PTPRD: variants seen among roughly 807,000 people sequenced by gnomAD.
PTPRD encodes the protein protein tyrosine phosphatase receptor type D, also known as receptor-type tyrosine-protein phosphatase delta.
A neutral mutation model predicts 214.5 loss-of-function variants in PTPRD; 34 were observed. That is an observed-to-expected ratio of 0.16 (90% confidence interval 0.12 to 0.21). The LOEUF (loss-of-function observed/expected upper bound fraction) is 0.21, where lower values mean the gene tolerates loss of function less well. Ranked by LOEUF, PTPRD falls within the 10% of genes least tolerant of loss-of-function variation. PTPRD has a pLI of 1.00. For missense variants in PTPRD, 2,545 were observed against 2,398.7 expected (o/e 1.06, Z -1.27); for synonymous variants, 1,128 against 845.7 (o/e 1.33, Z -5.79).
chr9:10,329,554 T>C (rs1316395034), intron 3 of PTPRD, among the ~76,000 whole-genome samples: 1 of 151,854 alleles, frequency 6.6e-6, no homozygotes, highest in African/African-American at 2.4e-5. Context: ...CTCTCTTGGC[T>C]TTTGATTAGA....
At chr9:9,128,612 A>T (rs1016734349) in intron 10 of PTPRD, among the ~76,000 whole-genome samples, 2 of 152,228 alleles carry the variant, frequency 1.3e-5, no homozygotes. Context: ...TTGCTTTAAA[A>T]ATATATCAGC....
chr9:9,313,995 G>A (rs965093807), intron 9 of PTPRD, among the ~76,000 whole-genome samples: 6 of 152,022 alleles, frequency 3.9e-5, no homozygotes, highest in Non-Finnish European at 7.4e-5. Context: ...CTGTCATTTA[G>A]CTAGTTAAAT....
intron 9 of PTPRD, among the ~76,000 whole-genome samples, chr9:9,306,902 C>G (rs1026317574): frequency 6.6e-6 from 1 of 152,120 alleles, no homozygotes; most frequent in Non-Finnish European, 1.5e-5. Flanking sequence ...TTGAATATCT[C>G]AAAAGCAGAG....
At chr9:9,387,162 C>T (rs1277667528) in intron 9 of PTPRD, among the ~76,000 whole-genome samples, 1 of 152,176 alleles carries the variant, frequency 6.6e-6, no homozygotes, top group Admixed American at 6.6e-5. Context: ...CACAGTACTT[C>T]AGCTAGGGCA....
At chr9:10,110,951 T>C (rs2098686233) in intron 3 of PTPRD, among the ~76,000 whole-genome samples, 1 of 152,210 alleles carries the variant, frequency 6.6e-6, no homozygotes, top group Admixed American at 6.5e-5. Context: ...ATTTATTTTG[T>C]ATTTGATGTA....
intron 43 of PTPRD, among the ~76,000 whole-genome samples, chr9:8,334,135 A>G (rs999357372): frequency 6.6e-6 from 1 of 151,988 alleles, no homozygotes; most frequent in African/African-American, 2.4e-5. Context: ...ATGACACAGA[A>G]TATTAGCAAG....
At chr9:8,321,350 TCA>T (rs1827256398) in intron 44 of PTPRD, among the ~76,000 whole-genome samples, 1 of 151,376 alleles carries the variant, frequency 6.6e-6, no homozygotes, top group South Asian at 2.1e-4. Context: ...GACATTGGAC[TCA>T]CAACTTTTCA....
intron 5 of PTPRD, among the ~76,000 whole-genome samples, chr9:9,932,175 C>T (rs1346548639): frequency 6.7e-6 from 1 of 150,258 alleles, no homozygotes; most frequent in African/African-American, 2.5e-5. Context: ...AGTGCCTCTC[C>T]TCCTCCAAAG....
intron 3 of PTPRD, among the ~76,000 whole-genome samples, chr9:10,108,440 T>C (rs1372177405): frequency 2.0e-5 from 3 of 151,976 alleles, no homozygotes; most frequent in Non-Finnish European, 4.4e-5. Flanking sequence ...ACTGAAATTT[T>C]GTATTTTTTT....
intron 13 of PTPRD, among the ~76,000 whole-genome samples, chr9:8,635,936 T>G (rs1381361559): frequency 6.6e-6 from 1 of 152,100 alleles, no homozygotes; most frequent in African/African-American, 2.4e-5. Context: ...AAAAAAAGAA[T>G]CTTTGATTTA....
At chr9:8,778,888 T>C (rs1330103274) in intron 11 of PTPRD, among the ~76,000 whole-genome samples, 3 of 152,180 alleles carry the variant, frequency 2.0e-5, no homozygotes, top group African/African-American at 7.2e-5. Context: ...TTTACCACAC[T>C]GCTCAACACA....
intron 3 of PTPRD, among the ~76,000 whole-genome samples, chr9:10,257,600 G>A (rs898019306): frequency 6.6e-6 from 1 of 152,136 alleles, no homozygotes; most frequent in African/African-American, 2.4e-5. Flanking sequence ...GATTTATATG[G>A]TGCCATATAC....
rs1437971374 is a variant in PTPRD, at chr9:9,548,534, G to A, written c.-237+26198C>T. On this transcript the variant is annotated intron_variant, in intron 8 of 45. Transcript: ENST00000381196. Reference sequence around the variant, plus strand: ...GTGATTCTCCTGCTTCAGCCTCCTGGGCTACAGGCGTCTGCCACCATGCCT... The same window carrying A: ...GTGATTCTCCTGCTTCAGCCTCCTGAGCTACAGGCGTCTGCCACCATGCCT... Among the ~76,000 whole-genome samples, 3 of 150,872 alleles carry A rather than the reference G, an allele frequency of 2.0e-5. No homozygotes were observed. In the East Asian group the frequency reaches 5.9e-4, roughly 30 times the overall value.
chr9:9,544,545 TC>T (rs1461171533), intron 8 of PTPRD, among the ~76,000 whole-genome samples: 1 of 151,688 alleles, frequency 6.6e-6, no homozygotes, highest in Non-Finnish European at 1.5e-5. Context: ...AGAACATCTC[TC>T]GACTGTGTCT....
intron 9 of PTPRD, among the ~76,000 whole-genome samples, chr9:9,392,840 A>C (rs946454610): frequency 6.6e-6 from 1 of 152,092 alleles, no homozygotes; most frequent in African/African-American, 2.4e-5. Flanking sequence ...CAGGGAGGGA[A>C]TATATAGTAA....
At chr9:9,143,150 C>T (rs1291390653) in intron 10 of PTPRD, among the ~76,000 whole-genome samples, 1 of 152,198 alleles carries the variant, frequency 6.6e-6, no homozygotes, top group African/African-American at 2.4e-5. Context: ...AAATTCTCCC[C>T]AAATTCCTCA....
intron 11 of PTPRD, among the ~76,000 whole-genome samples, chr9:8,791,907 A>G (rs1265446531): frequency 6.6e-6 from 1 of 152,140 alleles, no homozygotes; most frequent in Non-Finnish European, 1.5e-5. Flanking sequence ...GAATGACTGC[A>G]ATGGACAGCC....
At position 8,929,752 on chromosome 9, in the gene PTPRD, TATATGTATATATATGTGTATATATATGG is replaced by T. The variant is rs1370290505; in HGVS notation, c.-104+88917_-104+88944del. On this transcript the variant is annotated intron_variant, in intron 11 of 45. Transcript: ENST00000381196. ...ATATGTGTATATATATGTGTATATA[TATATGTATATATATGTGTATATATATGG>T]GTGTGTATATATGTGTGTGTATATA... Among the ~76,000 whole-genome samples the T allele has an allele frequency of 6.1e-5, 5 of 82,186 alleles. 1 individual carries two copies. The highest frequency in any genetic ancestry group is 1.2e-4 in the African/African-American group (3 of 24,298). The allele number at this position is 82,186 out of a possible 152,430, so 53.9% of individuals were successfully genotyped here.
chr9:9,260,692 C>A (rs536215267), intron 9 of PTPRD, among the ~76,000 whole-genome samples: 1 of 151,716 alleles, frequency 6.6e-6, no homozygotes, highest in African/African-American at 2.4e-5. Flanking sequence ...AGATGATAGA[C>A]AAAGAAATAT....
Sources: gnomAD v4.1 joint callset for allele counts (sites outside exome capture counted in the v4.1 genomes callset) on GRCh38, gnomAD v4.1.1 for gene constraint, MANE v1.5 for transcripts, NCBI Gene and HGNC (gene_info 2026-07-23, HGNC 2026-07-21) for gene names.